Variants in BPTF observed in about 807,000 individuals in gnomAD.
BPTF encodes the protein bromodomain PHD finger transcription factor.
Under a neutral mutation model 292.5 loss-of-function variants are expected in BPTF, and 18 were observed. That is an observed-to-expected ratio of 0.06 (90% confidence interval 0.04 to 0.09). The LOEUF (loss-of-function observed/expected upper bound fraction) is 0.09. Ranked by LOEUF, BPTF falls within the 10% of genes least tolerant of loss-of-function variation. BPTF has a pLI of 1.00. For missense variants in BPTF, 2,726 were observed against 3,498.7 expected (o/e 0.78, Z 5.57); for synonymous variants, 1,225 against 1,251.9 (o/e 0.98, Z 0.45).
At chr17:67,925,547 A>G (rs545334234) in intron 15 of BPTF, among the ~76,000 whole-genome samples, 2 of 152,304 alleles carry the variant, frequency 1.3e-5, no homozygotes, top group South Asian at 2.1e-4. Flanking sequence ...AATGTGCCAT[A>G]TGTGCCTAAA....
chr17:67,959,899 A>G, intron 24 of BPTF, 24 bp downstream of exon 24: 1 of 1,469,892 alleles, frequency 6.8e-7, no homozygotes, highest in Non-Finnish European at 9.1e-7. Flanking sequence ...TTTGAGCTCT[A>G]GTTTTTTGTC....
intron 1 of BPTF, among the ~76,000 whole-genome samples, chr17:67,828,961 G>C (rs1177807249): frequency 6.6e-6 from 1 of 152,202 alleles, no homozygotes; most frequent in African/African-American, 2.4e-5. Flanking sequence ...CATAGCAGGT[G>C]CTCATCAAAG....
chr17:67,865,163 G>A (rs1003634135), intron 2 of BPTF, among the ~76,000 whole-genome samples: 3 of 152,092 alleles, frequency 2.0e-5, no homozygotes, highest in African/African-American at 7.2e-5. Flanking sequence ...TCCTTTGAAC[G>A]GCATGTTGGC....
rs551725079 is a variant in BPTF at position 67,937,920 on chromosome 17, G to A, written c.6260-2519G>A. On this transcript the variant is annotated intron_variant, in intron 18 of 27. Coordinates refer to ENST00000306378, the MANE Select transcript of BPTF (RefSeq NM_182641.4). ...ACCTGTGGTCAGGAGTTCAAGACCA[G>A]CCTGGCCAACATGGCAAAACCCCAT... Among the ~76,000 whole-genome samples the A allele has an allele frequency of 2.0e-5, 3 of 152,308 alleles. No homozygotes were observed. In the East Asian group the frequency reaches 5.8e-4, roughly 29 times the overall value.
At chr17:67,964,740 C>G (rs1407133132) in intron 25 of BPTF, among the ~76,000 whole-genome samples, 4 of 152,136 alleles carry the variant, frequency 2.6e-5, no homozygotes, top group Non-Finnish European at 5.9e-5. Context: ...GTGGCTCATG[C>G]CTGTAATCCC....
At chr17:67,840,162 GCAC>G (rs2057437050) in intron 1 of BPTF, among the ~76,000 whole-genome samples, 1 of 150,608 alleles carries the variant, frequency 6.6e-6, no homozygotes, top group Admixed American at 6.6e-5. Flanking sequence ...GAGAGCAATG[GCAC>G]AGTCACCACT....
At chr17:67,896,819 G>A (rs942089853) in intron 7 of BPTF, among the ~76,000 whole-genome samples, 1 of 152,118 alleles carries the variant, frequency 6.6e-6, no homozygotes, top group African/African-American at 2.4e-5. Flanking sequence ...AGGAGAAGTT[G>A]CTAGCTTTTA....
At chr17:67,845,776 AT>A (rs919011424) in intron 1 of BPTF, among the ~76,000 whole-genome samples, 5 of 150,608 alleles carry the variant, frequency 3.3e-5, no homozygotes, top group African/African-American at 1.2e-4. Flanking sequence ...GTCTCAAAAA[AT>A]ATATATATTT....
Position 67,854,858 on chromosome 17 carries a change from A to C in BPTF, c.1436+96A>C. 1 of 808,330 alleles carries C rather than the reference A, an allele frequency of 1.2e-6. No homozygotes were observed. The highest frequency in any genetic ancestry group is 2.7e-5 in the East Asian group (1 of 37,582). The allele number at this position is 808,330 out of a possible 1,614,324, so 50.1% of individuals were successfully genotyped here. A position where few individuals can be genotyped will look rare whatever the true frequency, so the allele number is the denominator to read the frequency against. ...CAGAGCTATGCTGTTGATGTGGTAT[A>C]AACCTTTGTAACTTAATAGTTATAC... is the stretch of plus-strand genomic sequence containing the variant. On this transcript the variant is annotated intron_variant, in intron 2 of 27. Coordinates refer to ENST00000306378, the MANE Select transcript of BPTF (RefSeq NM_182641.4). This position sits in a 1 kb window ranked among gnomAD's most constrained non-coding sequence, Gnocchi z 5.6.
At chr17:67,882,637 C>A (rs937031667) in intron 4 of BPTF, among the ~76,000 whole-genome samples, 1 of 152,166 alleles carries the variant, frequency 6.6e-6, no homozygotes, top group African/African-American at 2.4e-5. Flanking sequence ...CGACTTTTTG[C>A]TGCTCTTTAT....
rs1555694078 is a variant in BPTF, at chr17:67,976,696, A to AT, written c.8726+738_8726+739insT. Reference sequence around the variant, plus strand: ...GTGAGACCCTGTCTCAAAAAAAAAAAAAAAAAAAAAAAAAAAAAATAAGAA... The same window carrying AT: ...GTGAGACCCTGTCTCAAAAAAAAAAATAAAAAAAAAAAAAAAAAAATAAGAA... On this transcript the variant is annotated intron_variant, in intron 27 of 27. Transcript: ENST00000306378. Among the ~76,000 whole-genome samples, 130 of 21,778 alleles carry AT rather than the reference A, an allele frequency of 6.0e-3. 4 individuals carry two copies. Among genetic ancestry groups the AT allele is most frequent in the Middle Eastern group, 0.038 (1 of 26 alleles). 14.3% of individuals were successfully genotyped at this position (21,778 alleles called of 152,430 possible). A position where few individuals can be genotyped will look rare whatever the true frequency, so the allele number is the denominator to read the frequency against.
chr17:67,886,486 A>AT (rs937682024), intron 4 of BPTF, among the ~76,000 whole-genome samples: 18 of 137,956 alleles, frequency 1.3e-4, no homozygotes, highest in South Asian at 9.1e-4. Context: ...TTTATTTTTC[A>AT]TTTTTTTTTT....
intron 1 of BPTF, among the ~76,000 whole-genome samples, chr17:67,833,278 A>G (rs903791733): frequency 1.3e-5 from 2 of 149,424 alleles, no homozygotes; most frequent in African/African-American, 4.9e-5. Context: ...AGGGTCTTGC[A>G]GTGTTGCCCA....
At chr17:67,853,024 T>C (rs2058502128) in intron 1 of BPTF, among the ~76,000 whole-genome samples, 1 of 152,114 alleles carries the variant, frequency 6.6e-6, no homozygotes, top group South Asian at 2.1e-4. Flanking sequence ...TAGTCCCAGC[T>C]ACTCAGGAGG....
intron 11 of BPTF, among the ~76,000 whole-genome samples, chr17:67,918,295 G>A (rs961096966): frequency 2.0e-5 from 3 of 152,048 alleles, no homozygotes; most frequent in Non-Finnish European, 4.4e-5. Flanking sequence ...GCAAAAGTTA[G>A]GATTTTTCCT....
intron 7 of BPTF, among the ~76,000 whole-genome samples, chr17:67,902,637 G>T (rs1029726017): frequency 1.3e-5 from 2 of 152,146 alleles, no homozygotes; most frequent in Non-Finnish European, 2.9e-5. Context: ...CAGCCTGGGG[G>T]AGACTGTATT....
intron 2 of BPTF, among the ~76,000 whole-genome samples, chr17:67,858,775 T>C (rs1420686188): frequency 2.6e-5 from 4 of 152,178 alleles, no homozygotes; most frequent in Admixed American, 6.5e-5. Context: ...TAGTCCATGC[T>C]CCAATTCTCC....
intron 24 of BPTF, among the ~76,000 whole-genome samples, chr17:67,962,147 GAA>G (rs2148350302): frequency 1.0e-5 from 1 of 99,568 alleles, no homozygotes; most frequent in East Asian, 2.3e-4. Flanking sequence ...AAGAAAAAAA[GAA>G]AAAAGTTAGT....
chr17:67,860,849 C>A (rs568246686), intron 2 of BPTF, among the ~76,000 whole-genome samples: 1 of 152,234 alleles, frequency 6.6e-6, no homozygotes, highest in African/African-American at 2.4e-5. Context: ...GCGTGGACCA[C>A]CACACGCCTT....
Sources: gnomAD v4.1 joint callset for allele counts (sites outside exome capture counted in the v4.1 genomes callset) on GRCh38, gnomAD v4.1.1 for gene constraint, Gnocchi (gnomAD v3.1) non-coding constraint, MANE v1.5 for transcripts, NCBI Gene and HGNC (gene_info 2026-07-23, HGNC 2026-07-21) for gene names.